The following SHISA5 variants were observed in gnomAD, a reference collection of about 807,000 sequenced individuals.
The protein encoded by SHISA5 is shisa family member 5, also known as protein shisa-5.
SHISA5 carries 21 observed loss-of-function variants against 27.5 expected under a neutral mutation model. The ratio of observed to expected loss-of-function variants is 0.76; its 90% CI spans 0.54 to 1.10. SHISA5 has a LOEUF of 1.10. Among genes scored for constraint, SHISA5 ranks in the 50% least tolerant of loss-of-function variants. The pLI is 0.00. For missense variants in SHISA5, 314 were observed against 336.3 expected, an observed-to-expected ratio of 0.93 and a Z score of 0.52; for synonymous variants, 137 against 142.2, an observed-to-expected ratio of 0.96 and a Z score of 0.26.
At position 48,470,566 on chromosome 3, in the gene SHISA5, G is replaced by T. The variant is rs996686635; in HGVS notation, c.315-723C>A. Reference sequence around the variant, plus strand: ...CAAGAGCCAAGGGGAGGACACAGAGGCCTGGAGGCAGGAGGCCAGAGGGCC... The same window carrying T: ...CAAGAGCCAAGGGGAGGACACAGAGTCCTGGAGGCAGGAGGCCAGAGGGCC... On this transcript the variant is annotated intron_variant, in intron 3 of 5. Coordinates refer to ENST00000296444, the MANE Select transcript of SHISA5 (RefSeq NM_016479.6). The surrounding 1 kb of genome is among the most constrained non-coding windows in gnomAD (Gnocchi z 4.3). Among the ~76,000 whole-genome samples, 6 of 152,246 alleles carry T rather than the reference G, an allele frequency of 3.9e-5. No individual in the cohort carries two copies. The highest frequency in any genetic ancestry group is 8.8e-5 in the Non-Finnish European group (6 of 68,044).
intron 2 of SHISA5, among the ~76,000 whole-genome samples, chr3:48,499,037 A>T (rs991188259): frequency 1.3e-5 from 2 of 149,092 alleles, no homozygotes; most frequent in Admixed American, 6.8e-5. Context: ...AGCCAAGAAC[A>T]CACCATTGCA....
At chr3:48,481,216 G>A (rs534876603) in intron 2 of SHISA5, among the ~76,000 whole-genome samples, 23 of 151,638 alleles carry the variant, frequency 1.5e-4, no homozygotes, top group African/African-American at 3.1e-4. Flanking sequence ...CAAGGTGGGT[G>A]GATCATGAGG....
chr3:48,501,490 C>A (rs1253428856), intron 1 of SHISA5, among the ~76,000 whole-genome samples, 197 bp from the exon 2 acceptor site: 1 of 152,196 alleles, frequency 6.6e-6, no homozygotes, highest in Non-Finnish European at 1.5e-5. Context: ...CGGGCCACAA[C>A]AGAGCTGCCC....
Position 48,470,920 on chromosome 3 carries a change from CTG to C in SHISA5, c.315-1079_315-1078del, listed in dbSNP as rs2040586962. Among the ~76,000 whole-genome samples, 1 of 151,230 alleles carries C rather than the reference CTG, an allele frequency of 6.6e-6. No individual in the cohort carries two copies. Among genetic ancestry groups the C allele is most frequent in the African/African-American group, 2.4e-5 (1 of 40,954 alleles). On this transcript the variant is annotated intron_variant, in intron 3 of 5. Coordinates refer to ENST00000296444, the MANE Select transcript of SHISA5 (RefSeq NM_016479.6). This position sits in a 1 kb window ranked among gnomAD's most constrained non-coding sequence, Gnocchi z 4.3. ...CCAGCCTGGGGACAGGAGCAAAACTCTGTCTCAAAAATGAAAGAAAAAAAAAA... is the reference window on the plus strand; with the variant it reads ...CCAGCCTGGGGACAGGAGCAAAACTCTCTCAAAAATGAAAGAAAAAAAAAA...
chr3:48,503,242 G>T, intron 1 of SHISA5: 1 of 1,172,244 alleles, frequency 8.5e-7, no homozygotes, highest in Non-Finnish European at 1.1e-6. Flanking sequence ...TGGCACAAAT[G>T]CTCTCTGACC....
Position 48,469,254 on chromosome 3 carries a change from G to A in SHISA5, c.644-68C>T, listed in dbSNP as rs2040496953. The A allele has an allele frequency of 2.5e-6, 4 of 1,588,174 alleles. No individual in the cohort carries two copies. The highest frequency in any genetic ancestry group is 3.4e-5 in the Admixed American group (2 of 58,644). The stretch of plus-strand genomic sequence containing the variant: ...CTGCCGTGTGAGTGGCAGGCAAGCA[G>A]AAAGGGGCAGAGGCCTGTTGAGTGA... On this transcript the variant is annotated intron_variant, in intron 5 of 5. Coordinates refer to ENST00000296444, the MANE Select transcript of SHISA5 (RefSeq NM_016479.6). This position sits in a 1 kb window ranked among gnomAD's most constrained non-coding sequence, Gnocchi z 4.6.
rs2107269398 is a variant in SHISA5 at position 48,468,000 on chromosome 3, CTG to C, written c.*1105_*1106del. ...GAGGAGGAACACGAGGTATTCATGT[CTG>C]GGCCAGAGCTGCCATCCAGGGCCCC... On this transcript the variant is annotated 3_prime_UTR_variant, in exon 6 of 6. Coordinates refer to ENST00000296444, the MANE Select transcript of SHISA5 (RefSeq NM_016479.6). The C allele has an allele frequency of 3.4e-6, 1 of 296,172 alleles. No individual in the cohort carries two copies. Among genetic ancestry groups the C allele is most frequent in the South Asian group, 7.2e-5 (1 of 13,960 alleles). 18.3% of individuals were successfully genotyped at this position (296,172 alleles called of 1,614,324 possible).
At chr3:48,483,575 C>T (rs1038433730) in intron 2 of SHISA5, among the ~76,000 whole-genome samples, 5 of 152,180 alleles carry the variant, frequency 3.3e-5, no homozygotes, top group East Asian at 1.9e-4. Flanking sequence ...GCCATTGTCA[C>T]CTTGGCCCGT....
At chr3:48,490,671 A>G (rs1438261392) in intron 2 of SHISA5, among the ~76,000 whole-genome samples, 1 of 152,138 alleles carries the variant, frequency 6.6e-6, no homozygotes, top group Admixed American at 6.6e-5. Context: ...TTACTTTCCA[A>G]CCTGACTCTG....
At chr3:48,472,071 T>C (rs950606235) in intron 3 of SHISA5, among the ~76,000 whole-genome samples, 1 of 151,962 alleles carries the variant, frequency 6.6e-6, no homozygotes, top group Non-Finnish European at 1.5e-5. Context: ...TAGTCCCAGC[T>C]ACTCAGGAGG....
intron 3 of SHISA5, among the ~76,000 whole-genome samples, chr3:48,471,739 A>G (rs1053221786): frequency 6.6e-6 from 1 of 151,698 alleles, no homozygotes; most frequent in Non-Finnish European, 1.5e-5. Flanking sequence ...TTAGCCGGAC[A>G]TGATGGTGGG....
Position 48,473,241 on chromosome 3 carries a change from C to T in SHISA5, c.315-3398G>A. 4 of 1,422,528 alleles carry T rather than the reference C, an allele frequency of 2.8e-6. No individual in the cohort carries two copies. Among genetic ancestry groups the T allele is most frequent in the Non-Finnish European group, 2.7e-6 (3 of 1,091,196 alleles). 88.1% of individuals were successfully genotyped at this position (1,422,528 alleles called of 1,614,324 possible). On this transcript the variant is annotated intron_variant, in intron 3 of 5. Transcript: ENST00000296444. This position sits in a 1 kb window ranked among gnomAD's most constrained non-coding sequence, Gnocchi z 4.3. ...GGCTAGCAGCCAAGGAGCCAAGGGG[C>T]GGGGGCCGGGGAGGAGGGGAAGCAG...
At chr3:48,488,296 C>G (rs953644204) in intron 2 of SHISA5, among the ~76,000 whole-genome samples, 1 of 138,452 alleles carries the variant, frequency 7.2e-6, no homozygotes, top group Non-Finnish European at 1.5e-5. Context: ...AGCCCAATCT[C>G]GACTCAATGC....
chr3:48,496,663 G>A (rs2041561955), intron 2 of SHISA5, among the ~76,000 whole-genome samples: 1 of 151,636 alleles, frequency 6.6e-6, no homozygotes, highest in South Asian at 2.1e-4. Flanking sequence ...GAACCCGGGA[G>A]GCAGAGGTTG....
At chr3:48,472,044 G>A (rs1439974953) in intron 3 of SHISA5, among the ~76,000 whole-genome samples, 1 of 151,404 alleles carries the variant, frequency 6.6e-6, no homozygotes, top group Non-Finnish European at 1.5e-5. Context: ...TTAGCAGGGC[G>A]TAGTGGCGCA....
intron 2 of SHISA5, among the ~76,000 whole-genome samples, chr3:48,483,545 C>G (rs557419259): frequency 4.7e-4 from 71 of 152,284 alleles, no homozygotes; most frequent in African/African-American, 1.6e-3. Flanking sequence ...ACCTTTCCCC[C>G]TTTTCTATCC....
Position 48,468,147 on chromosome 3 carries a change from TCA to T in SHISA5, c.*958_*959del. On this transcript the variant is annotated 3_prime_UTR_variant, in exon 6 of 6. Transcript: ENST00000296444. The stretch of plus-strand genomic sequence containing the variant: ...GAGGCTGGTGTCGGGAAGCAGGGAC[TCA>T]CAGTTGCCAGGTTGTCCATCTCTGA... 2 of 1,000,362 alleles carry T rather than the reference TCA, an allele frequency of 2.0e-6. No homozygotes were observed. Among genetic ancestry groups the T allele is most frequent in the South Asian group, 8.6e-5 (2 of 23,262 alleles). 62.0% of individuals were successfully genotyped at this position (1,000,362 alleles called of 1,614,324 possible).
At position 48,473,589 on chromosome 3, in the gene SHISA5, C is replaced by G; in HGVS notation, c.315-3746G>C. The G allele has an allele frequency of 8.1e-7, 1 of 1,235,748 alleles. No homozygotes were observed. The highest frequency in any genetic ancestry group is 1.0e-6 in the Non-Finnish European group (1 of 958,922). 76.5% of individuals were successfully genotyped at this position (1,235,748 alleles called of 1,614,324 possible). A position where few individuals can be genotyped will look rare whatever the true frequency, so the allele number is the denominator to read the frequency against. On this transcript the variant is annotated intron_variant, in intron 3 of 5. Coordinates refer to ENST00000296444, the MANE Select transcript of SHISA5 (RefSeq NM_016479.6). The surrounding 1 kb of genome is among the most constrained non-coding windows in gnomAD (Gnocchi z 4.3). ...CCAGCACTCTCTCCAATCTGTCTCC[C>G]CATGTTCTCCCGGCCACCCTACTGG... is the stretch of plus-strand genomic sequence containing the variant.
At chr3:48,477,506 C>T (rs56400850) in intron 3 of SHISA5, among the ~76,000 whole-genome samples, 2 of 151,808 alleles carry the variant, frequency 1.3e-5, no homozygotes, top group Non-Finnish European at 2.9e-5. Flanking sequence ...CGGCCTACAG[C>T]GATCCTCCTG....
Sources: allele counts gnomAD v4.1 joint callset (sites outside exome capture counted in the v4.1 genomes callset), GRCh38; gene constraint gnomAD v4.1.1; non-coding constraint Gnocchi (gnomAD v3.1); transcripts MANE v1.5; gene names NCBI Gene and HGNC (gene_info 2026-07-23, HGNC 2026-07-21).